The following SLCO1B3 variants were observed in gnomAD, a reference collection of about 807,000 sequenced individuals.
SLCO1B3 encodes the protein solute carrier organic anion transporter family member 1B3.
A neutral mutation model predicts 71.8 loss-of-function variants in SLCO1B3; 72 were observed. The ratio of observed to expected loss-of-function variants is 1.00; its 90% CI spans 0.83 to 1.22. The LOEUF is 1.22. Among genes scored for constraint, SLCO1B3 ranks in the 50% most tolerant of loss-of-function variants. The pLI, the probability that SLCO1B3 is intolerant of heterozygous loss-of-function variation, is 0.00. For missense variants in SLCO1B3, 911 were observed against 819.7 expected (o/e 1.11, Z -1.36); for synonymous variants, 298 against 278.4 (o/e 1.07, Z -0.70).
chr12:20,881,851 C>T (rs892425252), intron 12 of SLCO1B3, among the ~76,000 whole-genome samples: 4 of 152,230 alleles, frequency 2.6e-5, no homozygotes, highest in East Asian at 1.9e-4. Context: ...TAGTCAGCTG[C>T]GATTATGACT....
rs779952599 is a variant in SLCO1B3 at position 20,898,494 on chromosome 12, A to G, written c.1741A>G (p.Thr581Ala). 1.4e-5 allele frequency: 21 copies of G among 1,541,996 alleles called. No individual in the cohort carries two copies. The highest frequency in any genetic ancestry group is 1.8e-5 in the Non-Finnish European group (20 of 1,119,116). Reference protein sequence around the residue: ...AMGFQSMVIRTLGGILAPIYF... With the variant: ...AMGFQSMVIRALGGILAPIYF... ...GGGTTTCCAGTCAATGGTTATAAGA[A>G]CACTAGGTATGACAAATATATAGAT... Residue 581 changes from threonine (T) to alanine (A), a missense_variant, in exon 14 of 16, where the codon ACA becomes GCA. Thr to Ala is a moderately conservative substitution (Grantham distance 58). Coordinates refer to ENST00000381545, the MANE Select transcript of SLCO1B3 (RefSeq NM_019844.4).
chr12:20,875,368 AAAAG>A lies in SLCO1B3; in HGVS notation c.869_872del (p.Arg290LysfsTer9), dbSNP rs1409408503. ...TGCCGAAAAATCCAAATAAACCACA[AAAAG>A]AAAGAAAAATTTCACTATCATTGCA... On this transcript the variant is annotated frameshift_variant, in exon 9 of 16. Coordinates refer to ENST00000381545, the MANE Select transcript of SLCO1B3 (RefSeq NM_019844.4). LOFTEE classifies it high-confidence loss of function. The A allele has an allele frequency of 8.7e-6, 14 of 1,612,946 alleles. No individual in the cohort carries two copies. Among genetic ancestry groups the A allele is most frequent in the Non-Finnish European group, 1.2e-5 (14 of 1,179,542 alleles).
intron 13 of SLCO1B3, among the ~76,000 whole-genome samples, chr12:20,894,184 C>T (rs1372651906): frequency 6.6e-6 from 1 of 152,140 alleles, no homozygotes; most frequent in Non-Finnish European, 1.5e-5. Context: ...GCACATTTAA[C>T]TTCTTAGGGT....
At chr12:20,816,033 G>A (rs1342365209) in intron 3 of SLCO1B3, among the ~76,000 whole-genome samples, 1 of 152,108 alleles carries the variant, frequency 6.6e-6, no homozygotes, top group South Asian at 2.1e-4. Flanking sequence ...ATTTTTTGAT[G>A]AATAAAGGTT....
At chr12:20,816,577 C>CT (rs1293435425) in intron 3 of SLCO1B3, among the ~76,000 whole-genome samples, 1 of 152,012 alleles carries the variant, frequency 6.6e-6, no homozygotes, top group Non-Finnish European at 1.5e-5. Context: ...ATATGTCCCA[C>CT]TTTTTTTTAC....
chr12:20,876,901 A>T (rs1027380945), intron 9 of SLCO1B3, among the ~76,000 whole-genome samples: 19 of 151,546 alleles, frequency 1.3e-4, no homozygotes, highest in African/African-American at 4.6e-4. Flanking sequence ...TGCAATCTTG[A>T]CTCACTGCAA....
intron 13 of SLCO1B3, among the ~76,000 whole-genome samples, chr12:20,898,042 G>T (rs957929970): frequency 6.6e-6 from 1 of 152,080 alleles, no homozygotes; most frequent in Admixed American, 6.6e-5. Context: ...GGTAAAAAGA[G>T]GTCTGCTAAG....
At chr12:20,842,138 C>A (rs1276369792) in intron 3 of SLCO1B3, among the ~76,000 whole-genome samples, 1 of 152,134 alleles carries the variant, frequency 6.6e-6, no homozygotes, top group African/African-American at 2.4e-5. Flanking sequence ...TCGTGATCCA[C>A]CTGCCTTGGC....
intron 1 of SLCO1B3, among the ~76,000 whole-genome samples, chr12:20,811,976 C>T (rs1591736340): frequency 7.3e-6 from 1 of 136,842 alleles, no homozygotes; most frequent in African/African-American, 2.7e-5. Context: ...GGCGTGATTT[C>T]AGCTCACCAC....
At position 20,915,945 on chromosome 12, in the gene SLCO1B3, AT is replaced by A. The variant is rs1866484602; in HGVS notation, c.1866-58del. 5 of 1,368,118 alleles carry A rather than the reference AT, an allele frequency of 3.7e-6. No homozygotes were observed. The South Asian group carries it at 4.2e-5, about 12-fold the overall frequency. The allele number at this position is 1,368,118 out of a possible 1,614,324, so 84.7% of individuals were successfully genotyped here. On this transcript the variant is annotated intron_variant, in intron 15 of 15. Coordinates refer to ENST00000381545, the MANE Select transcript of SLCO1B3 (RefSeq NM_019844.4). Reference sequence around the variant, plus strand: ...AGATATGCATACTGGGGAGAAAAAAATGTAAGATATTTTACACATTTAAAAT... The same window carrying A: ...AGATATGCATACTGGGGAGAAAAAAAGTAAGATATTTTACACATTTAAAAT...
chr12:20,877,807 C>G lies in SLCO1B3; in HGVS notation c.1006C>G (p.Pro336Ala). 6.5e-7 allele frequency: 1 copy of G among 1,531,674 alleles called. No homozygotes were observed. The allele number at this position is 1,531,674 out of a possible 1,614,324, so 94.9% of individuals were successfully genotyped here. Residue 336 changes from proline (P) to alanine (A), a missense_variant, in exon 10 of 16, where the codon CCC (proline) becomes GCC (alanine). Physicochemically the swap from Pro to Ala is conservative, Grantham distance 27. Transcript: ENST00000381545. ...GTCTTTGAAAAGCATCCTTACCAAT[C>G]CCCTGTATGTTATATTTCTGCTTTT... ...FQSLKSILTN[P>A]LYVIFLLLTL...
intron 3 of SLCO1B3, among the ~76,000 whole-genome samples, chr12:20,825,671 C>T (rs1461435177): frequency 6.6e-5 from 10 of 151,634 alleles, no homozygotes; most frequent in South Asian, 4.2e-4. Context: ...TGGTGGTGTG[C>T]GCCTGTAATC....
chr12:20,843,586 C>A (rs768395016), intron 3 of SLCO1B3, among the ~76,000 whole-genome samples: 12 of 151,990 alleles, frequency 7.9e-5, no homozygotes, highest in Non-Finnish European at 1.5e-5. Context: ...TGAGACCATC[C>A]TGGCTAACAT....
intron 15 of SLCO1B3, among the ~76,000 whole-genome samples, chr12:20,912,582 G>A (rs1404390333): frequency 6.7e-6 from 1 of 148,616 alleles, no homozygotes; most frequent in Non-Finnish European, 1.5e-5. Context: ...GGAGTGCAAT[G>A]GTGCAATCTC....
At chr12:20,879,714 AC>A (rs770696770) in intron 11 of SLCO1B3, 83 bp downstream of exon 11, 62 of 915,750 alleles carry the variant, frequency 6.8e-5, no homozygotes, top group Non-Finnish European at 8.3e-5. Flanking sequence ...AAGGTAGAAA[AC>A]AATTGTAATT....
intron 13 of SLCO1B3, among the ~76,000 whole-genome samples, chr12:20,890,335 A>G (rs752006900): frequency 2.6e-5 from 4 of 152,168 alleles, no homozygotes; most frequent in African/African-American, 7.2e-5. Flanking sequence ...TCTAGGTACT[A>G]ATTTCTATTT....
At chr12:20,893,041 A>T (rs1865933849) in intron 13 of SLCO1B3, among the ~76,000 whole-genome samples, 1 of 152,204 alleles carries the variant, frequency 6.6e-6, no homozygotes, top group South Asian at 2.1e-4. Flanking sequence ...TGAAGAGGTA[A>T]AACTAGATAT....
intron 8 of SLCO1B3, among the ~76,000 whole-genome samples, chr12:20,868,481 C>T (rs929894176): frequency 6.6e-6 from 1 of 152,308 alleles, no homozygotes; most frequent in African/African-American, 2.4e-5. Context: ...TGGGAACTCC[C>T]TATTTCCCCT....
intron 3 of SLCO1B3, among the ~76,000 whole-genome samples, chr12:20,854,442 G>T (rs1406421269): frequency 6.6e-6 from 1 of 151,958 alleles, no homozygotes; most frequent in Non-Finnish European, 1.5e-5. Flanking sequence ...ATTTTATGCC[G>T]CTATAATGTC....
Sources: allele counts gnomAD v4.1 joint callset (sites outside exome capture counted in the v4.1 genomes callset), GRCh38; gene constraint gnomAD v4.1.1; transcripts MANE v1.5; gene names NCBI Gene and HGNC (gene_info 2026-07-23, HGNC 2026-07-21).